The following WWP2 variants were observed in gnomAD, a reference collection of about 807,000 sequenced individuals.
WWP2 encodes the protein NEDD4-like E3 ubiquitin-protein ligase WWP2.
Under a neutral mutation model 121.0 loss-of-function variants are expected in WWP2, and 57 were observed. The ratio of observed to expected loss-of-function variants is 0.47; its 90% confidence interval spans 0.38 to 0.59. The LOEUF (loss-of-function observed/expected upper bound fraction) is 0.59. WWP2 is among the 20% of genes least tolerant of loss of function. The pLI is 0.00. For missense variants in WWP2, 962 were observed against 1,158.9 expected (o/e 0.83, Z 2.47); for synonymous variants, 449 against 441.3 (o/e 1.02, Z -0.22).
intron 4 of WWP2, among the ~76,000 whole-genome samples, chr16:69,807,937 C>T (rs1054761196): frequency 6.6e-6 from 1 of 152,144 alleles, no homozygotes; most frequent in Non-Finnish European, 1.5e-5. Flanking sequence ...GCCTGGGTGA[C>T]AGAGCAAAAC....
intron 1 of WWP2, among the ~76,000 whole-genome samples, chr16:69,778,704 C>T (rs993296150): frequency 3.4e-4 from 51 of 152,004 alleles, no homozygotes; most frequent in Non-Finnish European, 5.1e-4. Context: ...TGCAGTGGTG[C>T]GATCTCGGCT....
At chr16:69,815,537 C>T (rs1052529549) in intron 4 of WWP2, among the ~76,000 whole-genome samples, 8 of 150,986 alleles carry the variant, frequency 5.3e-5, no homozygotes, top group Non-Finnish European at 5.9e-5. Context: ...CCTGTAATCT[C>T]AGCACTTTGG....
intron 9 of WWP2, among the ~76,000 whole-genome samples, chr16:69,914,648 T>C (rs2058453807): frequency 6.6e-6 from 1 of 151,938 alleles, no homozygotes; most frequent in Non-Finnish European, 1.5e-5. Context: ...TCCTAGCTAC[T>C]TGGGAGGCTG....
At chr16:69,826,961 GGGGC>G (rs1318502164) in intron 4 of WWP2, among the ~76,000 whole-genome samples, 17 of 133,756 alleles carry the variant, frequency 1.3e-4, no homozygotes, top group East Asian at 2.3e-4. Flanking sequence ...AAAAGGGGGG[GGGGC>G]GGAGAGAATA....
At chr16:69,771,633 G>A (rs2055417677) in intron 1 of WWP2, among the ~76,000 whole-genome samples, 1 of 152,162 alleles carries the variant, frequency 6.6e-6, no homozygotes, top group Non-Finnish European at 1.5e-5. Context: ...GCGATTCTGG[G>A]TTCCTTGCAT....
intron 16 of WWP2, among the ~76,000 whole-genome samples, chr16:69,932,379 TC>T (rs1437489900): frequency 7.2e-5 from 11 of 152,210 alleles, no homozygotes; most frequent in Non-Finnish European, 1.0e-4. Flanking sequence ...ATGTGGCCAG[TC>T]CATTGGGCCT....
intron 8 of WWP2, among the ~76,000 whole-genome samples, chr16:69,888,705 C>T (rs2057972628): frequency 6.6e-6 from 1 of 151,634 alleles, no homozygotes. Flanking sequence ...GTTTTCTTGC[C>T]ATCCTTTTTT....
At chr16:69,838,806 T>A (rs2056923055) in intron 4 of WWP2, 1 of 985,382 alleles carries the variant, frequency 1.0e-6, no homozygotes, top group Non-Finnish European at 1.2e-6. Context: ...GCAGACTCAC[T>A]CAGAAAAGAA....
chr16:69,834,730 G>A (rs1254589428), intron 4 of WWP2, among the ~76,000 whole-genome samples: 12 of 151,698 alleles, frequency 7.9e-5, no homozygotes, highest in Non-Finnish European at 2.9e-5. Flanking sequence ...GTTTCACCAT[G>A]TTGGCCAGGC....
At chr16:69,923,235 T>A (rs1245921799) in intron 10 of WWP2, among the ~76,000 whole-genome samples, 1 of 147,148 alleles carries the variant, frequency 6.8e-6, no homozygotes, top group African/African-American at 2.5e-5. Flanking sequence ...TAAATGTTGT[T>A]TGTGTTTATC....
intron 7 of WWP2, among the ~76,000 whole-genome samples, chr16:69,872,216 A>G (rs966836271): frequency 6.6e-6 from 1 of 152,008 alleles, no homozygotes; most frequent in East Asian, 1.9e-4. Flanking sequence ...AATAAAAAGA[A>G]ATGTCTTTTT....
intron 7 of WWP2, among the ~76,000 whole-genome samples, chr16:69,880,052 C>T (rs1034249567): frequency 5.3e-5 from 8 of 149,912 alleles, no homozygotes; most frequent in African/African-American, 7.3e-5. Context: ...TTTCTGTTTT[C>T]GCTTGCTTTC....
chr16:69,931,928 G>A (rs769336623), intron 16 of WWP2, 38 bp downstream of exon 16: 33 of 1,568,980 alleles, frequency 2.1e-5, no homozygotes, highest in Non-Finnish European at 2.4e-5. Context: ...CCTGTACCCC[G>A]CTTCCCCAGG....
At chr16:69,900,963 G>C (rs1277779514) in intron 8 of WWP2, among the ~76,000 whole-genome samples, 2 of 152,136 alleles carry the variant, frequency 1.3e-5, no homozygotes, top group African/African-American at 4.8e-5. Flanking sequence ...GTTATTAAAA[G>C]GTTAGTGTGC....
At chr16:69,902,456 G>A (rs900946720) in intron 8 of WWP2, among the ~76,000 whole-genome samples, 1 of 152,166 alleles carries the variant, frequency 6.6e-6, no homozygotes, top group East Asian at 1.9e-4. Context: ...CAAAGACCTC[G>A]TGTAGTCCAT....
At chr16:69,896,347 G>A (rs1413120858) in intron 8 of WWP2, among the ~76,000 whole-genome samples, 1 of 152,092 alleles carries the variant, frequency 6.6e-6, no homozygotes, top group Non-Finnish European at 1.5e-5. Flanking sequence ...TTGAACTCTT[G>A]GAGGCTCAAG....
At chr16:69,835,958 A>G (rs2056869489) in intron 4 of WWP2, among the ~76,000 whole-genome samples, 1 of 152,028 alleles carries the variant, frequency 6.6e-6, no homozygotes, top group African/African-American at 2.4e-5. Context: ...GTGTGCCACC[A>G]TGCCTGGATA....
At chr16:69,843,742 G>C (rs924895947) in intron 6 of WWP2, among the ~76,000 whole-genome samples, 1 of 152,036 alleles carries the variant, frequency 6.6e-6, no homozygotes, top group Non-Finnish European at 1.5e-5. Context: ...GGTAGTGTGT[G>C]CCTGTAGTCC....
chr16:69,890,880 G>T (rs892482800), intron 8 of WWP2: 1 of 152,254 alleles, frequency 6.6e-6, no homozygotes, highest in Non-Finnish European at 1.5e-5. Flanking sequence ...CGTTTCTGAG[G>T]TAGAGCCTAA....
Sources: allele counts gnomAD v4.1 joint callset (sites outside exome capture counted in the v4.1 genomes callset), GRCh38; gene constraint gnomAD v4.1.1; transcripts MANE v1.5; gene names NCBI Gene and HGNC (gene_info 2026-07-23, HGNC 2026-07-21).